The following SMARCA2 variants were observed in gnomAD, a reference collection of about 807,000 sequenced individuals.
SMARCA2 encodes the protein SWI/SNF related BAF chromatin remodeling complex subunit ATPase 2.
SMARCA2 carries 61 observed loss-of-function variants against 199.8 expected under a neutral mutation model. The observed-to-expected ratio is 0.31, with a 90% CI of 0.25 to 0.38. The LOEUF is 0.38. Among genes scored for constraint, SMARCA2 ranks in the 10% least tolerant of loss-of-function variants. The pLI is 1.00. For synonymous variants in SMARCA2, 935 were observed against 732.0 expected, an observed-to-expected ratio of 1.28 and a Z score of -4.48; for missense variants, 1,344 against 2,012.2, an observed-to-expected ratio of 0.67 and a Z score of 6.35.
At chr9:2,090,182 A>G (rs1821991106) in intron 19 of SMARCA2, among the ~76,000 whole-genome samples, 1 of 152,220 alleles carries the variant, frequency 6.6e-6, no homozygotes, top group Non-Finnish European at 1.5e-5. Flanking sequence ...TTTCTACAAG[A>G]GAAGTTCCTG....
rs565704618 is a variant in SMARCA2, at chr9:2,128,832, C to G, written c.3981+4895C>G. Among the ~76,000 whole-genome samples the G allele has an allele frequency of 5.2e-3, 799 of 152,276 alleles. 3 individuals carry two copies. Among genetic ancestry groups the G allele is most frequent in the Admixed American group, 8.6e-3 (132 of 15,296 alleles). On this transcript the variant is annotated intron_variant, in intron 27 of 33. Transcript: ENST00000349721. ...AGTCTCTGCCTCCAAACACCCCAGG[C>G]TTGGATTCTGAAGGGGGAGTATTGC...
intron 21 of SMARCA2, among the ~76,000 whole-genome samples, chr9:2,098,761 C>T: frequency 6.6e-6 from 1 of 152,168 alleles, no homozygotes; most frequent in East Asian, 1.9e-4. Context: ...CATGGTGAAA[C>T]CCCGTCTAAA....
intron 24 of SMARCA2, among the ~76,000 whole-genome samples, chr9:2,113,481 G>C (rs1823090931): frequency 6.6e-6 from 1 of 152,206 alleles, no homozygotes; most frequent in Admixed American, 6.5e-5. Flanking sequence ...CCACCGAAGT[G>C]AGACTTCAGA....
At chr9:2,142,746 C>T (rs1446679920) in intron 27 of SMARCA2, among the ~76,000 whole-genome samples, 1 of 152,056 alleles carries the variant, frequency 6.6e-6, no homozygotes, top group African/African-American at 2.4e-5. Flanking sequence ...TCATTTTGCC[C>T]CATTTCTCTG....
At chr9:2,020,543 CATT>C (rs1818554469) in intron 1 of SMARCA2, among the ~76,000 whole-genome samples, 2 of 152,126 alleles carry the variant, frequency 1.3e-5, no homozygotes, top group South Asian at 4.1e-4. Flanking sequence ...CTGCCAGAGT[CATT>C]ATGAAAGAGA....
chr9:2,032,966 A>G lies in SMARCA2; in HGVS notation c.240A>G (p.Ile80Met). ...MHQMHKPIDG[I>M]HDKGIVEDIH... ...AAATGTTTCAGCCCATCGATGGTATACATGACAAGGGGATTGTAGAAGACA... is the reference window on the plus strand; with the variant it reads ...AAATGTTTCAGCCCATCGATGGTATGCATGACAAGGGGATTGTAGAAGACA... The change falls in exon 3 of 34, where the codon ATA becomes ATG. Residue 80 changes from isoleucine to methionine, a missense_variant. Transcript: ENST00000349721. 1 of 1,613,954 alleles carries G rather than the reference A, an allele frequency of 6.2e-7. No homozygotes were observed. Among genetic ancestry groups the G allele is most frequent in the African/African-American group, 1.3e-5 (1 of 75,046 alleles).
Position 2,142,726 on chromosome 9 carries a change from A to G in SMARCA2, c.3981+18789A>G, listed in dbSNP as rs191431254. On this transcript the variant is annotated intron_variant, in intron 27 of 33. Transcript: ENST00000349721. ...GAGGCTGGAGTAGGGCAAACTGAGAACAAAGATCTTCATTTTGCCCCATTT... is the reference window on the plus strand; with the variant it reads ...GAGGCTGGAGTAGGGCAAACTGAGAGCAAAGATCTTCATTTTGCCCCATTT... Among the ~76,000 whole-genome samples, 9 of 152,336 alleles carry G rather than the reference A, an allele frequency of 5.9e-5. No individual in the cohort carries two copies. The South Asian group carries it at 8.3e-4, about 14-fold the overall frequency.
intron 19 of SMARCA2, among the ~76,000 whole-genome samples, chr9:2,090,375 C>G (rs565350167): frequency 4.4e-4 from 67 of 152,264 alleles, no homozygotes; most frequent in Non-Finnish European, 9.0e-4. Flanking sequence ...TTAAAGGCAG[C>G]CATGTTATCT....
At chr9:2,084,409 TG>T (rs1821708731) in intron 17 of SMARCA2, among the ~76,000 whole-genome samples, 1 of 150,976 alleles carries the variant, frequency 6.6e-6, no homozygotes, top group Non-Finnish European at 1.5e-5. Context: ...TGTGTGTGTG[TG>T]TGTGTGTTTA....
chr9:2,183,220 T>C (rs1827184478), intron 31 of SMARCA2, among the ~76,000 whole-genome samples: 1 of 152,210 alleles, frequency 6.6e-6, no homozygotes, highest in Non-Finnish European at 1.5e-5. Flanking sequence ...ATTTTTCTGA[T>C]TGTACTCTTG....
At chr9:2,082,518 C>G (rs895815252) in intron 15 of SMARCA2, among the ~76,000 whole-genome samples, 3 of 152,138 alleles carry the variant, frequency 2.0e-5, no homozygotes, top group Non-Finnish European at 4.4e-5. Flanking sequence ...TTAGTAAGGA[C>G]AGGAGTTTGC....
Position 2,056,591 on chromosome 9 carries a change from T to C in SMARCA2, c.1174-81T>C. The C allele has an allele frequency of 7.6e-7, 1 of 1,316,382 alleles. No homozygotes were observed. The highest frequency in any genetic ancestry group is 1.0e-6 in the Non-Finnish European group (1 of 964,430). The allele number at this position is 1,316,382 out of a possible 1,614,324, so 81.5% of individuals were successfully genotyped here. On this transcript the variant is annotated intron_variant, in intron 6 of 33. Transcript: ENST00000349721. This position sits in a 1 kb window ranked among gnomAD's most constrained non-coding sequence, Gnocchi z 4.0. ...GATTCCCCGCCCCACTCTATTCCAT[T>C]AAATGCAACCGCGAGAAGGCCAGAG...
intron 23 of SMARCA2, among the ~76,000 whole-genome samples, chr9:2,106,591 C>T (rs529320587): frequency 2.0e-5 from 3 of 152,018 alleles, no homozygotes; most frequent in Non-Finnish European, 2.9e-5. Flanking sequence ...CCAGCTGAAC[C>T]CCCTTCTGTC....
At chr9:2,071,842 C>T (rs1012293258) in intron 10 of SMARCA2, among the ~76,000 whole-genome samples, 6 of 152,142 alleles carry the variant, frequency 3.9e-5, no homozygotes, top group African/African-American at 1.4e-4. Context: ...CCTTCTTTAT[C>T]TCTTGAGTAT....
At chr9:2,036,649 AC>A (rs1306658492) in intron 3 of SMARCA2, among the ~76,000 whole-genome samples, 1 of 152,142 alleles carries the variant, frequency 6.6e-6, no homozygotes, top group African/African-American at 2.4e-5. Flanking sequence ...GATTCTTCTC[AC>A]TTTCATTTTC....
intron 27 of SMARCA2, among the ~76,000 whole-genome samples, chr9:2,152,605 G>A (rs4741645): frequency 0.78 from 118,244 of 151,800 alleles, 46,186 homozygotes; most frequent in Middle Eastern, 0.84. Flanking sequence ...TAATCCCAGC[G>A]CTTTGGGAGG....
rs1821829276 is a variant in SMARCA2, at chr9:2,087,047, T to A, written c.2745T>A (p.Ala915=). 6.2e-7 allele frequency: 1 copy of A among 1,614,010 alleles called. No homozygotes were observed. The highest frequency in any genetic ancestry group is 1.7e-5 in the Admixed American group (1 of 60,004). The change falls in exon 18 of 34, where the codon GCT becomes GCA. Residue 915 remains alanine (A), a synonymous_variant. Transcript: ENST00000349721. ...SCSTFEQWFN[A]PFAMTGERVD... ...GCACATTTGAACAATGGTTCAATGC[T>A]CCATTTGCCATGACTGGTGAAAGGG...
At chr9:2,063,056 C>G (rs181371198) in intron 9 of SMARCA2, among the ~76,000 whole-genome samples, 22 of 152,266 alleles carry the variant, frequency 1.4e-4, no homozygotes, top group African/African-American at 4.3e-4. Context: ...AGAATTTTTA[C>G]TTTATGGTCA....
intron 5 of SMARCA2, among the ~76,000 whole-genome samples, chr9:2,052,670 A>C (rs1431744673): frequency 6.6e-6 from 1 of 152,240 alleles, no homozygotes; most frequent in Non-Finnish European, 1.5e-5. Flanking sequence ...AATTTTTAAA[A>C]ATGATGACAT....
Sources: allele counts gnomAD v4.1 joint callset (sites outside exome capture counted in the v4.1 genomes callset), GRCh38; gene constraint gnomAD v4.1.1; non-coding constraint Gnocchi (gnomAD v3.1); transcripts MANE v1.5; gene names NCBI Gene and HGNC (gene_info 2026-07-23, HGNC 2026-07-21).